Variants in PDE1C observed in about 807,000 individuals in gnomAD.
PDE1C encodes the protein dual specificity calcium/calmodulin-dependent 3',5'-cyclic nucleotide phosphodiesterase 1C.
Under a neutral mutation model 93.1 loss-of-function variants are expected in PDE1C, and 62 were observed. The ratio of observed to expected loss-of-function variants is 0.67; its 90% CI spans 0.54 to 0.82. The LOEUF (loss-of-function observed/expected upper bound fraction) is 0.82, where lower values mean the gene tolerates loss of function less well. PDE1C is among the 40% of genes least tolerant of loss of function. The pLI is 0.00. For synonymous variants in PDE1C, 325 were observed against 310.1 expected (o/e 1.05, Z -0.50); for missense variants, 742 against 884.6 (o/e 0.84, Z 2.04).
At chr7:31,654,434 T>C in the PDE1C span, among the ~76,000 whole-genome samples, 1 of 152,132 alleles carries the variant, frequency 6.6e-6, no homozygotes, top group Non-Finnish European at 1.5e-5. Context: ...CCAAGGGTAA[T>C]GGAAAGCCAC....
At position 31,859,963 on chromosome 7, in the gene PDE1C, A is replaced by G. The variant is rs1303295919; in HGVS notation, c.750+4979T>C. On this transcript the variant is annotated intron_variant, in intron 7 of 17. Transcript: ENST00000396191. ...TGGTATTCCAGAGTTCTAACTCCCT[A>G]TTGATAGGTATATACTCCGTAATTG... Among the ~76,000 whole-genome samples the G allele has an allele frequency of 7.9e-5, 12 of 152,242 alleles. 1 individual carries two copies. The South Asian group carries it at 2.5e-3, about 32-fold the overall frequency.
At chr7:31,617,013 TTTTC>T in the PDE1C span, among the ~76,000 whole-genome samples, 15 of 152,176 alleles carry the variant, frequency 9.9e-5, no homozygotes, top group Admixed American at 2.0e-4. Context: ...TGCATTCTTC[TTTTC>T]TTTATGACAG....
intron 2 of PDE1C, among the ~76,000 whole-genome samples, chr7:31,963,736 A>G (rs1306825415): frequency 6.6e-6 from 1 of 152,232 alleles, no homozygotes; most frequent in Non-Finnish European, 1.5e-5. Context: ...AGAAATAAAC[A>G]CAGAGTGCAG....
At chr7:32,211,137 A>G (rs943347162) in intron 1 of PDE1C, among the ~76,000 whole-genome samples, 1 of 151,996 alleles carries the variant, frequency 6.6e-6, no homozygotes, top group African/African-American at 2.4e-5. Flanking sequence ...TGAACCTGGG[A>G]GGTGGAAGTT....
At chr7:32,099,021 T>TA (rs1284969013) in intron 3 of PDE1C, among the ~76,000 whole-genome samples, 2 of 152,216 alleles carry the variant, frequency 1.3e-5, no homozygotes, top group African/African-American at 4.8e-5. Context: ...AAATTCTATG[T>TA]TATATATATT....
At chr7:32,196,715 T>C (rs560711445) in intron 2 of PDE1C, among the ~76,000 whole-genome samples, 5 of 152,228 alleles carry the variant, frequency 3.3e-5, no homozygotes, top group Admixed American at 2.0e-4. Flanking sequence ...GGGAGGAGAA[T>C]TGATTTCACA....
At chr7:31,753,580 C>A in intron 17 of PDE1C, 27 bp from the exon 18 acceptor site, 2 of 1,601,112 alleles carry the variant, frequency 1.2e-6, no homozygotes, top group African/African-American at 1.3e-5. Flanking sequence ...GGAAGACAGA[C>A]AACGGTTAGC....
intron 2 of PDE1C, among the ~76,000 whole-genome samples, chr7:31,953,885 G>C (rs1310419616): frequency 6.6e-6 from 1 of 152,180 alleles, no homozygotes; most frequent in African/African-American, 2.4e-5. Flanking sequence ...GAGAAATAGA[G>C]TATCTTGGTT....
the PDE1C span, among the ~76,000 whole-genome samples, chr7:31,637,554 C>T: frequency 2.0e-5 from 3 of 152,162 alleles, no homozygotes; most frequent in Non-Finnish European, 4.4e-5. Context: ...AGTGTCTGTT[C>T]ATATCCTTTA....
At chr7:32,312,172 A>T (rs1783060816) in intron 1 of PDE1C, among the ~76,000 whole-genome samples, 1 of 152,200 alleles carries the variant, frequency 6.6e-6, no homozygotes, top group African/African-American at 2.4e-5. Context: ...CAAAGAGAAT[A>T]AAATACCTAG....
intron 2 of PDE1C, among the ~76,000 whole-genome samples, 159 bp from the exon 3 acceptor site, chr7:31,881,019 A>C (rs1172627486): frequency 6.6e-6 from 1 of 152,240 alleles, no homozygotes; most frequent in Non-Finnish European, 1.5e-5. Context: ...TAATAAAATA[A>C]ATGTATACAT....
At chr7:31,671,567 G>T in the PDE1C span, among the ~76,000 whole-genome samples, 1 of 151,970 alleles carries the variant, frequency 6.6e-6, no homozygotes, top group Non-Finnish European at 1.5e-5. Context: ...TGCTATGCAC[G>T]ACCCACCCCA....
intron 3 of PDE1C, among the ~76,000 whole-genome samples, chr7:32,119,680 C>T (rs1392425003): frequency 6.6e-6 from 1 of 151,746 alleles, no homozygotes; most frequent in Non-Finnish European, 1.5e-5. Context: ...ACCTGAGAGC[C>T]ACACGGGGCA....
At chr7:32,051,432 G>T in intron 2 of PDE1C, 122 bp downstream of exon 2, 1 of 914,968 alleles carries the variant, frequency 1.1e-6, no homozygotes. Context: ...GATAAAGCAC[G>T]CAACATGCTG....
At chr7:32,062,440 G>T (rs910344208) in intron 1 of PDE1C, among the ~76,000 whole-genome samples, 20 of 152,184 alleles carry the variant, frequency 1.3e-4, no homozygotes, top group African/African-American at 4.6e-4. Flanking sequence ...TTTTCTCAGA[G>T]GGGCCATGCT....
intron 2 of PDE1C, among the ~76,000 whole-genome samples, chr7:32,176,763 T>C (rs1185569415): frequency 6.6e-6 from 1 of 152,064 alleles, no homozygotes; most frequent in African/African-American, 2.4e-5. Flanking sequence ...TTGTTGATAA[T>C]CATAAAGGAG....
At chr7:31,946,281 CG>C (rs1806595966) in intron 2 of PDE1C, among the ~76,000 whole-genome samples, 1 of 152,056 alleles carries the variant, frequency 6.6e-6, no homozygotes, top group Admixed American at 6.6e-5. Flanking sequence ...TGGAACATGT[CG>C]GGGGTCCAGG....
chr7:31,670,791 T>C, the PDE1C span, among the ~76,000 whole-genome samples: 1 of 152,072 alleles, frequency 6.6e-6, no homozygotes, highest in Non-Finnish European at 1.5e-5. Flanking sequence ...AATGTTGCCT[T>C]TTCCAAAACC....
Position 32,364,806 on chromosome 7 carries a change from T to C in PDE1C, c.310+63016A>G, listed in dbSNP as rs189275769. ...CAGCACTGGGGCTTCATTGTCATTA[T>C]ACCAATCCCACACTGGTAGCTGAAT... is the stretch of plus-strand genomic sequence containing the variant. On this transcript the variant is annotated intron_variant, in intron 1 of 1. Transcript: ENST00000672256. Among the ~76,000 whole-genome samples the C allele has an allele frequency of 5.4e-3, 819 of 152,336 alleles. 29 individuals are homozygous for C. Among genetic ancestry groups the C allele is most frequent in the Admixed American group, 0.048 (741 of 15,312 alleles).
Sources: allele counts gnomAD v4.1 joint callset (sites outside exome capture counted in the v4.1 genomes callset), GRCh38; gene constraint gnomAD v4.1.1; transcripts MANE v1.5; gene names NCBI Gene and HGNC (gene_info 2026-07-23, HGNC 2026-07-21).